Variants in CNTN6 observed in about 807,000 individuals in gnomAD.
CNTN6 encodes contactin 6.
A neutral mutation model predicts 122.8 loss-of-function variants in CNTN6; 137 were observed. The ratio of observed to expected loss-of-function variants is 1.12; its 90% CI spans 0.97 to 1.29. The LOEUF (loss-of-function observed/expected upper bound fraction) is 1.29, where lower values mean the gene tolerates loss of function less well. Ranked by LOEUF, CNTN6 falls within the 50% of genes most tolerant of loss-of-function variation. CNTN6 has a pLI of 0.00. For synonymous variants in CNTN6, 570 were observed against 426.0 expected (o/e 1.34, Z -4.16); for missense variants, 1,634 against 1,223.4 (o/e 1.34, Z -5.01).
At chr3:1,393,904 CACT>C (rs1441396296) in intron 20 of CNTN6, among the ~76,000 whole-genome samples, 2 of 152,128 alleles carry the variant, frequency 1.3e-5, no homozygotes, top group African/African-American at 4.8e-5. Flanking sequence ...ATTCACATCT[CACT>C]ACTAATTTTA....
chr3:1,155,843 G>A (rs1253516487), intron 2 of CNTN6, among the ~76,000 whole-genome samples: 5 of 151,952 alleles, frequency 3.3e-5, no homozygotes, highest in African/African-American at 1.2e-4. Flanking sequence ...TCTATTTTGA[G>A]GCATCCTCTG....
rs188903342 is a variant in CNTN6 at position 1,150,295 on chromosome 3, T to C, written c.55+2232T>C. Among the ~76,000 whole-genome samples, 3 of 152,350 alleles carry C rather than the reference T, an allele frequency of 2.0e-5. No homozygotes were observed. The East Asian group carries it at 5.8e-4, about 29-fold the overall frequency. ...AATATCTTGTTTTTCCAAAACATAC[T>C]TTTTATTCATTCTGAAATGCCAGCA... On this transcript the variant is annotated intron_variant, in intron 2 of 22. Transcript: ENST00000446702.
chr3:1,132,998 C>G (rs1199713756), intron 1 of CNTN6, among the ~76,000 whole-genome samples: 1 of 152,164 alleles, frequency 6.6e-6, no homozygotes, highest in East Asian at 1.9e-4. Context: ...AAGTAGCAAC[C>G]AATCACCCAC....
At chr3:1,219,161 C>G (rs987054457) in intron 2 of CNTN6, among the ~76,000 whole-genome samples, 1 of 152,148 alleles carries the variant, frequency 6.6e-6, no homozygotes, top group Non-Finnish European at 1.5e-5. Context: ...TCTAAAATCC[C>G]TAGCCACAAA....
intron 4 of CNTN6, among the ~76,000 whole-genome samples, chr3:1,277,409 G>GT (rs1692601492): frequency 8.2e-6 from 1 of 122,644 alleles, no homozygotes; most frequent in African/African-American, 3.0e-5. Flanking sequence ...TCTCAGGCTG[G>GT]AGTACAGTGG....
At chr3:1,402,285 G>A (rs1695816770) in intron 21 of CNTN6, 33 bp from the exon 22 acceptor site, 1 of 1,573,656 alleles carries the variant, frequency 6.4e-7, no homozygotes, top group Non-Finnish European at 8.7e-7. Flanking sequence ...AAAGCAACAT[G>A]TCCATGTTAA....
At chr3:1,402,265 G>A (rs933013208) in intron 21 of CNTN6, 53 bp from the exon 22 acceptor site, 122 of 1,466,880 alleles carry the variant, frequency 8.3e-5, no homozygotes, top group Non-Finnish European at 1.1e-4. Context: ...ACAGTTGTGT[G>A]AACCTTAGAA....
At chr3:1,399,654 A>G (rs1695430437) in intron 20 of CNTN6, among the ~76,000 whole-genome samples, 1 of 152,084 alleles carries the variant, frequency 6.6e-6, no homozygotes, top group Non-Finnish European at 1.5e-5. Flanking sequence ...CCCAGAGCCC[A>G]GTGCATAATC....
chr3:1,346,623 A>C (rs1296013165), intron 11 of CNTN6, among the ~76,000 whole-genome samples: 1 of 152,122 alleles, frequency 6.6e-6, no homozygotes, highest in Admixed American at 6.6e-5. Flanking sequence ...GCAGCTGCCC[A>C]ACCGTGAGCC....
intron 2 of CNTN6, among the ~76,000 whole-genome samples, chr3:1,208,375 T>C (rs2093986173): frequency 6.6e-6 from 1 of 151,542 alleles, no homozygotes; most frequent in Admixed American, 6.6e-5. Flanking sequence ...CAAGCTTTTC[T>C]TCTTCTTAAA....
intron 2 of CNTN6, among the ~76,000 whole-genome samples, chr3:1,198,056 A>G (rs2093804184): frequency 6.6e-6 from 1 of 152,204 alleles, no homozygotes; most frequent in Non-Finnish European, 1.5e-5. Context: ...GTTGTACTAG[A>G]GTTCAGGCGA....
At chr3:1,382,906 T>G in intron 17 of CNTN6, 36 bp from the exon 18 acceptor site, 1 of 1,372,330 alleles carries the variant, frequency 7.3e-7, no homozygotes, top group East Asian at 2.3e-5. Flanking sequence ...AAAATATTTT[T>G]GCAAATACTC....
intron 2 of CNTN6, among the ~76,000 whole-genome samples, chr3:1,191,150 A>G (rs1411317532): frequency 6.6e-6 from 1 of 152,016 alleles, no homozygotes; most frequent in African/African-American, 2.4e-5. Flanking sequence ...CTTTTGTCCT[A>G]GTATTTGTTT....
intron 4 of CNTN6, among the ~76,000 whole-genome samples, chr3:1,246,630 T>G (rs1328477550): frequency 1.3e-5 from 2 of 152,184 alleles, no homozygotes; most frequent in Admixed American, 6.5e-5. Context: ...AGTGATTTTA[T>G]TAATTTGTAC....
At chr3:1,099,405 T>C (rs1046792174) in intron 1 of CNTN6, among the ~76,000 whole-genome samples, 7 of 152,234 alleles carry the variant, frequency 4.6e-5, no homozygotes, top group Admixed American at 1.3e-4. Flanking sequence ...GAGCCGAGAT[T>C]GAGCCATTAC....
At chr3:1,255,278 G>C (rs2094735204) in intron 4 of CNTN6, among the ~76,000 whole-genome samples, 1 of 152,114 alleles carries the variant, frequency 6.6e-6, no homozygotes, top group African/African-American at 2.4e-5. Flanking sequence ...ATAGGGTACA[G>C]GAAGGTGAAA....
chr3:1,144,177 A>T (rs2092675356), intron 1 of CNTN6, among the ~76,000 whole-genome samples: 1 of 152,162 alleles, frequency 6.6e-6, no homozygotes, highest in African/African-American at 2.4e-5. Flanking sequence ...TAAAATGCAA[A>T]ACCCTTGGCT....
chr3:1,162,366 G>C (rs1182837653), intron 2 of CNTN6, among the ~76,000 whole-genome samples: 1 of 152,024 alleles, frequency 6.6e-6, no homozygotes, highest in Non-Finnish European at 1.5e-5. Flanking sequence ...AAACACAAAA[G>C]TGCTACATTT....
At position 1,383,441 on chromosome 3, in the gene CNTN6, A is replaced by C. The variant is rs369234897; in HGVS notation, c.2517+33A>C. ...ACATTAATTTCACTTTTGCTTATGAATGTGCCAATGGACTTCGCAATAGCT... is the reference window on the plus strand; with the variant it reads ...ACATTAATTTCACTTTTGCTTATGACTGTGCCAATGGACTTCGCAATAGCT... On this transcript the variant is annotated intron_variant, in intron 19 of 22. Transcript: ENST00000446702. 1.5e-5 allele frequency: 23 copies of C among 1,541,218 alleles called. No homozygotes were observed. In the African/African-American group the frequency reaches 3.1e-4, roughly 21 times the overall value.
Sources: allele counts gnomAD v4.1 joint callset (sites outside exome capture counted in the v4.1 genomes callset), GRCh38; gene constraint gnomAD v4.1.1; transcripts MANE v1.5; gene names NCBI Gene and HGNC (gene_info 2026-07-23, HGNC 2026-07-21).